The following NAV3 variants were observed in gnomAD, a reference collection of about 807,000 sequenced individuals.
NAV3 encodes the protein neuron navigator 3, also known as pore membrane and/or filament interacting like protein 1.
Under a neutral mutation model 244.7 loss-of-function variants are expected in NAV3, and 87 were observed. That is an observed-to-expected ratio of 0.36 (90% confidence interval 0.30 to 0.42). The LOEUF (loss-of-function observed/expected upper bound fraction) is 0.42, where lower values mean the gene tolerates loss of function less well. NAV3 is among the 20% of genes least tolerant of loss of function. NAV3 has a pLI of 1.00. For missense variants in NAV3, 2,663 were observed against 2,893.3 expected (o/e 0.92, Z 1.83); for synonymous variants, 1,126 against 1,042.2 (o/e 1.08, Z -1.55).
At chr12:78,166,204 C>T (rs1222020636) in intron 23 of NAV3, among the ~76,000 whole-genome samples, 1 of 151,712 alleles carries the variant, frequency 6.6e-6, no homozygotes, top group Non-Finnish European at 1.5e-5. Flanking sequence ...AGTGTGGAGA[C>T]ATTTTACCAT....
Position 77,739,432 on chromosome 12 carries a change from G to T in NAV3, c.72+167166G>T, listed in dbSNP as rs930048853. On this transcript the variant is annotated intron_variant, in intron 2 of 8. Coordinates refer to the NAV3 transcript ENST00000550042. ...TAGTTAGTATGTTTCTTCTTGAAGA[G>T]AATAAGATTTATACCTTTTTGTTAA... 2.6e-5 allele frequency among the ~76,000 whole-genome samples: 4 copies of T among 152,194 alleles called. No homozygotes were observed. The East Asian group carries it at 7.7e-4, about 29-fold the overall frequency.
chr12:77,704,484 C>T (rs1340004472), intron 2 of NAV3, among the ~76,000 whole-genome samples: 2 of 152,094 alleles, frequency 1.3e-5, no homozygotes, highest in Non-Finnish European at 2.9e-5. Context: ...GTATTGTGTA[C>T]GTATGGTCTA....
chr12:77,616,099 G>A (rs1051170867), intron 2 of NAV3, among the ~76,000 whole-genome samples: 14 of 152,066 alleles, frequency 9.2e-5, no homozygotes, highest in East Asian at 3.9e-4. Context: ...AAACTATATC[G>A]TATTCAGACA....
At chr12:78,159,557 T>C (rs1056690555) in intron 23 of NAV3, among the ~76,000 whole-genome samples, 2 of 151,804 alleles carry the variant, frequency 1.3e-5, no homozygotes, top group African/African-American at 4.8e-5. Flanking sequence ...TAATCCCAGC[T>C]ACGCAGGAGG....
intron 3 of NAV3, among the ~76,000 whole-genome samples, chr12:77,943,147 C>T (rs1241955233): frequency 6.6e-6 from 1 of 152,084 alleles, no homozygotes; most frequent in African/African-American, 2.4e-5. Flanking sequence ...AACAGCTGTT[C>T]CTAGAGATTC....
At chr12:77,654,701 A>AC in intron 2 of NAV3, among the ~76,000 whole-genome samples, 1 of 151,836 alleles carries the variant, frequency 6.6e-6, no homozygotes, top group Admixed American at 6.6e-5. Context: ...ACTGGGAGGA[A>AC]CCCCCCAGTA....
intron 2 of NAV3, among the ~76,000 whole-genome samples, chr12:77,777,406 G>A (rs1413536005): frequency 1.3e-5 from 2 of 152,146 alleles, no homozygotes; most frequent in Admixed American, 1.3e-4. Context: ...AATGGAGTAG[G>A]CATTGTGACA....
At chr12:77,933,249 C>A (rs1888993067) in intron 1 of NAV3, among the ~76,000 whole-genome samples, 1 of 152,062 alleles carries the variant, frequency 6.6e-6, no homozygotes, top group South Asian at 2.1e-4. Flanking sequence ...AGCCTGCCTG[C>A]ACTCAGAAAG....
intron 3 of NAV3, among the ~76,000 whole-genome samples, chr12:77,952,062 T>G (rs1160704699): frequency 7.8e-6 from 1 of 128,488 alleles, no homozygotes; most frequent in African/African-American, 2.7e-5. Flanking sequence ...GATCTTAAAG[T>G]ATAATTAAAA....
intron 9 of NAV3, chr12:78,037,475 T>C (rs2137033627): frequency 1.7e-6 from 1 of 602,590 alleles, no homozygotes; most frequent in East Asian, 2.8e-5. Flanking sequence ...CCAAATAGCT[T>C]TCATGTTTTT....
At position 78,079,617 on chromosome 12, in the gene NAV3, T is replaced by C. The variant is rs1953244932; in HGVS notation, c.2636+20502T>C. ...TTCTTCTCTTCATAGAAAAAATTATTAGCAGACATCAGAAATCAGTTAATT... is the reference window on the plus strand; with the variant it reads ...TTCTTCTCTTCATAGAAAAAATTATCAGCAGACATCAGAAATCAGTTAATT... On this transcript the variant is annotated intron_variant, in intron 12 of 39. Transcript: ENST00000397909. Among the ~76,000 whole-genome samples, 4 of 152,208 alleles carry C rather than the reference T, an allele frequency of 2.6e-5. No individual in the cohort carries two copies. The South Asian group carries it at 8.3e-4, about 32-fold the overall frequency.
chr12:77,845,359 A>C (rs547109148), intron 1 of NAV3, among the ~76,000 whole-genome samples: 2 of 152,240 alleles, frequency 1.3e-5, no homozygotes, highest in South Asian at 4.1e-4. Context: ...TTGGACTTTG[A>C]CTAAGAACCT....
At chr12:78,081,335 T>A (rs1461441429) in intron 12 of NAV3, among the ~76,000 whole-genome samples, 3 of 152,182 alleles carry the variant, frequency 2.0e-5, no homozygotes, top group Non-Finnish European at 4.4e-5. Flanking sequence ...CTAATGAACC[T>A]GGTAGTTCAG....
chr12:77,763,026 G>A (rs1869564715), intron 2 of NAV3, among the ~76,000 whole-genome samples: 1 of 152,094 alleles, frequency 6.6e-6, no homozygotes, highest in Non-Finnish European at 1.5e-5. Context: ...GAATTTTAGA[G>A]CATGAACATA....
chr12:77,998,504 C>T, intron 7 of NAV3, 28 bp downstream of exon 7: 1 of 1,576,630 alleles, frequency 6.3e-7, no homozygotes, highest in Non-Finnish European at 8.6e-7. Flanking sequence ...CATTATGACA[C>T]AAGTCCAACA....
chr12:77,938,105 T>C (rs763890704), intron 1 of NAV3, among the ~76,000 whole-genome samples: 1 of 152,148 alleles, frequency 6.6e-6, no homozygotes, highest in East Asian at 1.9e-4. Context: ...TTTCAACCCA[T>C]GGCCCCAGTC....
chr12:77,822,490 A>G (rs925725524), intron 2 of NAV3, among the ~76,000 whole-genome samples: 1 of 152,148 alleles, frequency 6.6e-6, no homozygotes, highest in African/African-American at 2.4e-5. Context: ...TTTTTCTGAG[A>G]TATCTGAAAA....
rs1955586770 is a variant in NAV3 at position 78,119,750 on chromosome 12, G to A, written c.3554G>A (p.Gly1185Glu). 1 of 1,614,000 alleles carries A rather than the reference G, an allele frequency of 6.2e-7. No homozygotes were observed. The highest frequency in any genetic ancestry group is 8.5e-7 in the Non-Finnish European group (1 of 1,180,012). The change falls in exon 15 of 40, where the codon GGG becomes GAG. Residue 1185 changes from glycine (G) to glutamate (E), a missense_variant. Around this residue, in one of 6 missense-constraint regions of NAV3, gnomAD observed 1,521 missense variants for 1,497.0 expected, o/e 1.02. Transcript: ENST00000397909. ...TSKLREPTKIGSGRSSPVTVN... is the reference protein window; with the variant it reads ...TSKLREPTKIESGRSSPVTVN... The stretch of plus-strand genomic sequence containing the variant: ...AAACTGAGAGAACCAACTAAAATTG[G>A]GTCAGGGCGCTCGAGTCCTGTCACC...
chr12:77,836,266 CA>C (rs1244834420), intron 1 of NAV3, among the ~76,000 whole-genome samples: 1 of 152,146 alleles, frequency 6.6e-6, no homozygotes, highest in African/African-American at 2.4e-5. Flanking sequence ...GTTTCTTGGC[CA>C]TACTTACTGT....
Sources: gnomAD v4.1 joint callset for allele counts (sites outside exome capture counted in the v4.1 genomes callset) on GRCh38, gnomAD v4.1.1 for gene constraint, gnomAD v4.1.1 regional missense constraint, MANE v1.5 for transcripts, NCBI Gene and HGNC (gene_info 2026-07-23, HGNC 2026-07-21) for gene names.